SDCCAG8: variants seen among roughly 807,000 people sequenced by gnomAD.
The protein encoded by SDCCAG8 is SHH signaling and ciliogenesis regulator SDCCAG8, also known as serologically defined colon cancer antigen 8.
A neutral mutation model predicts 101.8 loss-of-function variants in SDCCAG8; 74 were observed. The ratio of observed to expected loss-of-function variants is 0.73; its 90% CI spans 0.60 to 0.88. SDCCAG8 has a LOEUF of 0.88. Among genes scored for constraint, SDCCAG8 ranks in the 40% least tolerant of loss-of-function variants. The probability of loss-of-function intolerance (pLI) is 0.00; values close to 1 mark genes in which losing one functional copy is unlikely to be tolerated. For synonymous variants in SDCCAG8, 281 were observed against 292.9 expected (o/e 0.96, Z 0.41); for missense variants, 787 against 822.6 (o/e 0.96, Z 0.53).
intron 6 of SDCCAG8, among the ~76,000 whole-genome samples, chr1:243,296,535 CTTTTTTTTT>C (rs756242066): frequency 2.6e-4 from 15 of 57,946 alleles, no homozygotes; most frequent in African/African-American, 1.0e-3. Context: ...CCCAACTGCT[CTTTTTTTTT>C]TTTTTTTTTT....
chr1:243,268,128 C>T, intron 1 of SDCCAG8: 2 of 662,910 alleles, frequency 3.0e-6, no homozygotes, highest in Non-Finnish European at 2.7e-6. Context: ...ATGGTCACAC[C>T]ACACTCCTGT....
intron 13 of SDCCAG8, among the ~76,000 whole-genome samples, chr1:243,385,844 C>G (rs1039402685): frequency 6.6e-6 from 1 of 152,148 alleles, no homozygotes; most frequent in Non-Finnish European, 1.5e-5. Context: ...TGTTGCAAGC[C>G]TGTAATCCCA....
chr1:243,455,417 C>T (rs1412325664), intron 16 of SDCCAG8, among the ~76,000 whole-genome samples: 6 of 152,186 alleles, frequency 3.9e-5, no homozygotes, highest in East Asian at 1.9e-4. Context: ...TTACAGGTGT[C>T]GGCTACCATG....
intron 9 of SDCCAG8, among the ~76,000 whole-genome samples, chr1:243,324,406 A>G (rs1002536458): frequency 8.3e-5 from 12 of 144,520 alleles, no homozygotes; most frequent in Non-Finnish European, 1.5e-4. Flanking sequence ...AACTATGCCT[A>G]CCTTTTCATT....
intron 5 of SDCCAG8, among the ~76,000 whole-genome samples, chr1:243,287,021 C>G (rs74150968): frequency 2.4e-3 from 358 of 152,270 alleles, no homozygotes; most frequent in African/African-American, 8.2e-3. Flanking sequence ...GTCTGGTTGG[C>G]TTCTAGGAAT....
intron 6 of SDCCAG8, 32 bp downstream of exon 6, chr1:243,293,251 CT>C (rs756676848): frequency 6.9e-6 from 11 of 1,600,922 alleles, no homozygotes; most frequent in Middle Eastern, 3.3e-4. Flanking sequence ...TCTTATACAT[CT>C]TTTTTTTCTT....
intron 16 of SDCCAG8, among the ~76,000 whole-genome samples, chr1:243,459,906 T>C (rs766197518): frequency 9.2e-5 from 14 of 152,224 alleles, no homozygotes; most frequent in Non-Finnish European, 2.1e-4. Flanking sequence ...TGCTTCTGAG[T>C]ATGCTAATGC....
intron 15 of SDCCAG8, among the ~76,000 whole-genome samples, chr1:243,424,229 A>G (rs1377359517): frequency 2.6e-5 from 4 of 151,940 alleles, no homozygotes; most frequent in African/African-American, 9.7e-5. Context: ...TATTTTTTAG[A>G]GCAGTTTTAG....
intron 16 of SDCCAG8, among the ~76,000 whole-genome samples, chr1:243,433,376 G>A (rs965879802): frequency 1.4e-5 from 2 of 145,082 alleles, no homozygotes; most frequent in East Asian, 2.0e-4. Flanking sequence ...AAAAAAAAAA[G>A]GATATACTCT....
intron 16 of SDCCAG8, among the ~76,000 whole-genome samples, chr1:243,431,132 G>A (rs1386303739): frequency 6.6e-6 from 1 of 152,192 alleles, no homozygotes; most frequent in Non-Finnish European, 1.5e-5. Context: ...GGGAGGCGGA[G>A]GTTGCAGTGA....
At chr1:243,304,315 TA>T (rs1351442220) in intron 6 of SDCCAG8, among the ~76,000 whole-genome samples, 1 of 152,224 alleles carries the variant, frequency 6.6e-6, no homozygotes, top group Non-Finnish European at 1.5e-5. Flanking sequence ...TCATGTGATA[TA>T]AAACTTTACT....
intron 8 of SDCCAG8, among the ~76,000 whole-genome samples, chr1:243,311,579 G>T (rs1416848742): frequency 1.3e-5 from 2 of 151,996 alleles, no homozygotes; most frequent in Admixed American, 6.6e-5. Context: ...CATATTAAAA[G>T]TTGCAAATAA....
chr1:243,464,210 A>G (rs369569212), intron 16 of SDCCAG8, among the ~76,000 whole-genome samples: 1 of 152,172 alleles, frequency 6.6e-6, no homozygotes, highest in East Asian at 1.9e-4. Flanking sequence ...TTGTTCACTT[A>G]GGTTTTCCAG....
At chr1:243,312,869 A>G (rs922581421) in intron 8 of SDCCAG8, among the ~76,000 whole-genome samples, 9 of 152,162 alleles carry the variant, frequency 5.9e-5, no homozygotes, top group African/African-American at 1.9e-4. Flanking sequence ...TATATTTTTT[A>G]TGTTGATTTG....
chr1:243,306,305 T>G (rs1323512356), intron 7 of SDCCAG8: 3 of 152,148 alleles, frequency 2.0e-5, no homozygotes, highest in African/African-American at 7.2e-5. Context: ...ATTTTGATTT[T>G]ATTTACGACT....
intron 16 of SDCCAG8, among the ~76,000 whole-genome samples, chr1:243,453,564 T>G (rs1205548598): frequency 6.6e-6 from 1 of 152,214 alleles, no homozygotes; most frequent in Non-Finnish European, 1.5e-5. Flanking sequence ...CTCTGTACAT[T>G]TCTGATACAG....
intron 10 of SDCCAG8, among the ~76,000 whole-genome samples, chr1:243,338,544 A>G (rs550029361): frequency 4.2e-4 from 64 of 152,170 alleles, no homozygotes; most frequent in African/African-American, 1.4e-3. Context: ...GTTATCTTCA[A>G]TAATGGTCCT....
chr1:243,344,064 T>C, intron 11 of SDCCAG8, 151 bp from the exon 12 acceptor site: 1 of 656,660 alleles, frequency 1.5e-6, no homozygotes, highest in Non-Finnish European at 2.8e-6. Context: ...CTTAACAAGC[T>C]ACGTTGAATA....
At chr1:243,303,876 C>G (rs2071803054) in intron 6 of SDCCAG8, among the ~76,000 whole-genome samples, 1 of 152,044 alleles carries the variant, frequency 6.6e-6, no homozygotes, top group African/African-American at 2.4e-5. Flanking sequence ...GGTTCGAGAC[C>G]AGCCTAGCCA....
Sources: gnomAD v4.1 joint callset for allele counts (sites outside exome capture counted in the v4.1 genomes callset) on GRCh38, gnomAD v4.1.1 for gene constraint, MANE v1.5 for transcripts, NCBI Gene and HGNC (gene_info 2026-07-23, HGNC 2026-07-21) for gene names.